The following PCMTD1 variants were observed in gnomAD, a reference collection of about 807,000 sequenced individuals.
PCMTD1 encodes the protein protein-L-isoaspartate (D-aspartate) O-methyltransferase domain containing 1, also known as protein-L-isoaspartate O-methyltransferase domain-containing protein 1.
A neutral mutation model predicts 37.6 loss-of-function variants in PCMTD1; 12 were observed. The ratio of observed to expected loss-of-function variants is 0.32; its 90% CI spans 0.20 to 0.52. The LOEUF is 0.52. PCMTD1 is among the 20% of genes least tolerant of loss of function. The probability of loss-of-function intolerance (pLI) is 0.97; values close to 1 mark genes in which losing one functional copy is unlikely to be tolerated. For synonymous variants in PCMTD1, 117 were observed against 135.8 expected (o/e 0.86, Z 0.96); for missense variants, 235 against 421.3 (o/e 0.56, Z 3.87).
At chr8:51,886,778 T>A (rs1344510472) in intron 1 of PCMTD1, among the ~76,000 whole-genome samples, 3 of 152,238 alleles carry the variant, frequency 2.0e-5, no homozygotes, top group Non-Finnish European at 4.4e-5. Flanking sequence ...CAAATTAGCA[T>A]AAACCTAATG....
In PCMTD1 at chr8:51,818,171, A is replaced by G; in HGVS notation, c.*2180T>C. 1 of 312,768 alleles carries G rather than the reference A, an allele frequency of 3.2e-6. No homozygotes were observed. The highest frequency in any genetic ancestry group is 6.2e-6 in the Non-Finnish European group (1 of 161,298). The allele number at this position is 312,768 out of a possible 1,614,324, so 19.4% of individuals were successfully genotyped here. A position where few individuals can be genotyped will look rare whatever the true frequency, so the allele number is the denominator to read the frequency against. On this transcript the variant is annotated 3_prime_UTR_variant, in exon 6 of 6. Coordinates refer to ENST00000522514, the MANE Select transcript of PCMTD1 (RefSeq NM_052937.4). ...TAAAAAGGCTTTAGCTTTAATTTTC[A>G]TTTTTCATTTCTACCTCTTAAAGTC...
chr8:51,867,495 G>A (rs1487669885), intron 1 of PCMTD1, among the ~76,000 whole-genome samples: 1 of 102,120 alleles, frequency 9.8e-6, no homozygotes, highest in Non-Finnish European at 2.5e-5. Flanking sequence ...GTGTGTGTGT[G>A]TGTGTGTGTG....
Position 51,861,053 on chromosome 8 carries a change from G to A in PCMTD1, c.99C>T (p.Phe33=). Residue 33 remains phenylalanine (F), a synonymous_variant, in exon 2 of 6, where the codon TTC becomes TTT. Coordinates refer to ENST00000522514, the MANE Select transcript of PCMTD1 (RefSeq NM_052937.4). ...YIRTERVEQA[F]RAIDRGDYYL... The stretch of plus-strand genomic sequence containing the variant: ...AGTAATCTCCACGATCAATCGCTCT[G>A]AAGGCTTGCTCCACTCTTTCAGTAC... The A allele has an allele frequency of 6.2e-7, 1 of 1,614,046 alleles. No homozygotes were observed. Among genetic ancestry groups the A allele is most frequent in the Non-Finnish European group, 8.5e-7 (1 of 1,179,998 alleles).
chr8:51,895,341 T>G (rs531151660), intron 1 of PCMTD1, among the ~76,000 whole-genome samples: 8 of 152,220 alleles, frequency 5.3e-5, no homozygotes, highest in Non-Finnish European at 1.0e-4. Context: ...ACTGACTTCA[T>G]CAATTGATAA....
At chr8:51,877,743 T>C (rs1253843690) in intron 1 of PCMTD1, among the ~76,000 whole-genome samples, 1 of 152,068 alleles carries the variant, frequency 6.6e-6, no homozygotes, top group African/African-American at 2.4e-5. Flanking sequence ...GACTAGATCA[T>C]AAACTAAGGG....
intron 3 of PCMTD1, among the ~76,000 whole-genome samples, chr8:51,838,115 G>A (rs2038093903): frequency 6.6e-6 from 1 of 152,094 alleles, no homozygotes; most frequent in Non-Finnish European, 1.5e-5. Flanking sequence ...AGCATTTCAT[G>A]TAAACAAATT....
intron 2 of PCMTD1, among the ~76,000 whole-genome samples, chr8:51,851,715 G>T (rs2129283304): frequency 6.6e-6 from 1 of 151,554 alleles, no homozygotes; most frequent in Admixed American, 6.6e-5. Flanking sequence ...GAGTGCAATG[G>T]CATGACCTTG....
intron 2 of PCMTD1, among the ~76,000 whole-genome samples, chr8:51,859,110 C>T (rs2038434560): frequency 6.6e-6 from 1 of 152,172 alleles, no homozygotes; most frequent in African/African-American, 2.4e-5. Flanking sequence ...AGCCAGTTGG[C>T]ACATACTAGA....
intron 1 of PCMTD1, among the ~76,000 whole-genome samples, chr8:51,870,744 C>T (rs936007564): frequency 1.3e-5 from 2 of 152,172 alleles, no homozygotes; most frequent in Non-Finnish European, 2.9e-5. Context: ...AGGCTCCTGA[C>T]GCATAATTCA....
intron 2 of PCMTD1, among the ~76,000 whole-genome samples, chr8:51,858,167 G>T (rs1165723088): frequency 2.6e-5 from 4 of 152,032 alleles, no homozygotes; most frequent in Non-Finnish European, 5.9e-5. Context: ...TTTGTTTCTG[G>T]ATTTGTGTTT....
intron 1 of PCMTD1, 97 bp downstream of exon 1, chr8:51,898,833 C>T (rs922882054): frequency 8.6e-7 from 1 of 1,162,554 alleles, no homozygotes; most frequent in Non-Finnish European, 1.1e-6. Flanking sequence ...TCCCCCTGGC[C>T]CTCTGGCCTC....
chr8:51,860,805 G>C, intron 2 of PCMTD1, 40 bp downstream of exon 2: 5 of 1,466,646 alleles, frequency 3.4e-6, no homozygotes, highest in Non-Finnish European at 4.6e-6. Flanking sequence ...ATACAAAATG[G>C]CTTATTTTTT....
rs1463318510 is a variant in PCMTD1, at chr8:51,837,775, A to T, written c.411-4086T>A. Among the ~76,000 whole-genome samples the T allele has an allele frequency of 3.3e-5, 5 of 152,106 alleles. No individual in the cohort carries two copies. The East Asian group carries it at 9.6e-4, about 29-fold the overall frequency. Reference sequence around the variant, plus strand: ...CTGATACTAATATCATGACTTATCTATCTATTTATTTATTTTTATTTTGAG... The same window carrying T: ...CTGATACTAATATCATGACTTATCTTTCTATTTATTTATTTTTATTTTGAG... On this transcript the variant is annotated intron_variant, in intron 3 of 5. Transcript: ENST00000522514.
chr8:51,852,938 G>C (rs1291243135), intron 2 of PCMTD1, among the ~76,000 whole-genome samples: 2 of 152,170 alleles, frequency 1.3e-5, no homozygotes, highest in East Asian at 3.8e-4. Context: ...TTGTACACTG[G>C]AGAAGAAACA....
intron 1 of PCMTD1, among the ~76,000 whole-genome samples, chr8:51,862,372 A>ACACG (rs767512787): frequency 6.6e-6 from 1 of 151,830 alleles, no homozygotes; most frequent in South Asian, 2.1e-4. Context: ...ACACACACAC[A>ACACG]CTCACACACA....
At chr8:51,863,229 G>A (rs987471689) in intron 1 of PCMTD1, among the ~76,000 whole-genome samples, 9 of 152,130 alleles carry the variant, frequency 5.9e-5, no homozygotes, top group Admixed American at 2.0e-4. Context: ...TTGCTGTACC[G>A]TAAATGCCAC....
intron 1 of PCMTD1, among the ~76,000 whole-genome samples, chr8:51,863,034 T>C (rs2038497717): frequency 6.6e-6 from 1 of 151,892 alleles, no homozygotes; most frequent in African/African-American, 2.4e-5. Context: ...ATACTTTTTT[T>C]TTTTTTAATA....
At chr8:51,882,593 G>C (rs2038806351) in intron 1 of PCMTD1, among the ~76,000 whole-genome samples, 1 of 152,086 alleles carries the variant, frequency 6.6e-6, no homozygotes, top group African/African-American at 2.4e-5. Flanking sequence ...ACACTTAGTT[G>C]AATGCCTTAT....
intron 2 of PCMTD1, among the ~76,000 whole-genome samples, chr8:51,857,278 G>C (rs2038405005): frequency 1.3e-5 from 2 of 152,224 alleles, no homozygotes; most frequent in African/African-American, 4.8e-5. Context: ...GGCACTAGCA[G>C]TCTCCCCAGA....
Sources: allele counts gnomAD v4.1 joint callset (sites outside exome capture counted in the v4.1 genomes callset), GRCh38; gene constraint gnomAD v4.1.1; transcripts MANE v1.5; gene names NCBI Gene and HGNC (gene_info 2026-07-23, HGNC 2026-07-21).